The following UTRN variants were observed in gnomAD, a reference collection of about 807,000 sequenced individuals.
The protein encoded by UTRN is utrophin.
A neutral mutation model predicts 463.9 loss-of-function variants in UTRN; 283 were observed. The ratio of observed to expected loss-of-function variants is 0.61; its 90% CI spans 0.55 to 0.67. The LOEUF (loss-of-function observed/expected upper bound fraction) is 0.67. Ranked by LOEUF, UTRN falls within the 30% of genes least tolerant of loss-of-function variation. The pLI is 0.00. For missense variants in UTRN, 3,922 were observed against 4,084.3 expected (o/e 0.96, Z 1.08); for synonymous variants, 1,442 against 1,431.5 (o/e 1.01, Z -0.17).
rs150069642 is a variant in UTRN at position 144,548,847 on chromosome 6, G to A, written c.6803G>A (p.Arg2268Gln). ...GAAGAGATCAATAAGACCGTTTCCC[G>A]AATGAAAGTAGGTGCATAGTGTAAA... Reference protein sequence around the residue: ...DVEEINKTVSRMKITKADLEQ... With the variant: ...DVEEINKTVSQMKITKADLEQ... The change falls in exon 47 of 75, where the codon CGA becomes CAA. Residue 2268 changes from arginine (R) to glutamine (Q), a missense_variant. Arg to Gln is a conservative substitution (Grantham distance 43). Around this residue, in one of 3 missense-constraint regions of UTRN, gnomAD observed 1,309 missense variants for 1,452.6 expected, o/e 0.90. Transcript: ENST00000367545. 1.2e-5 allele frequency: 19 copies of A among 1,613,542 alleles called. No homozygotes were observed. The highest frequency in any genetic ancestry group is 3.3e-5 in the South Asian group (3 of 91,028).
At chr6:144,403,012 G>A (rs1783060157) in intron 2 of UTRN, 111 bp from the exon 3 acceptor site, 2 of 932,066 alleles carry the variant, frequency 2.1e-6, no homozygotes, top group South Asian at 1.4e-5. Context: ...CAAGGAGCTC[G>A]ACTAATAGGA....
chr6:144,386,212 A>AT (rs1781403590), intron 2 of UTRN, among the ~76,000 whole-genome samples: 1 of 152,204 alleles, frequency 6.6e-6, no homozygotes, highest in Non-Finnish European at 1.5e-5. Flanking sequence ...TTGTTATCCC[A>AT]GCACTTTGTG....
At chr6:144,604,269 A>G (rs1316591968) in intron 51 of UTRN, among the ~76,000 whole-genome samples, 1 of 152,220 alleles carries the variant, frequency 6.6e-6, no homozygotes, top group Non-Finnish European at 1.5e-5. Context: ...GAAAAGCCAT[A>G]TAGGATTATG....
intron 51 of UTRN, among the ~76,000 whole-genome samples, chr6:144,595,984 G>A (rs1437225766): frequency 6.6e-6 from 1 of 152,108 alleles, no homozygotes; most frequent in East Asian, 1.9e-4. Context: ...AAAGAAAGGG[G>A]AACATTTGCT....
intron 19 of UTRN, among the ~76,000 whole-genome samples, chr6:144,457,796 T>C (rs907787982): frequency 1.2e-4 from 19 of 152,332 alleles, no homozygotes; most frequent in Admixed American, 1.1e-3. Flanking sequence ...ATGCCTTTGT[T>C]TTTTAGTTCA....
intron 2 of UTRN, among the ~76,000 whole-genome samples, chr6:144,384,818 C>A (rs1781268296): frequency 6.6e-6 from 1 of 152,144 alleles, no homozygotes; most frequent in East Asian, 1.9e-4. Context: ...TTTGTGGACA[C>A]TTGGGTTGCT....
At chr6:144,816,731 T>C (rs1779113873) in intron 65 of UTRN, among the ~76,000 whole-genome samples, 1 of 117,024 alleles carries the variant, frequency 8.5e-6, no homozygotes. Context: ...CTAGCTTTTT[T>C]CCTTTTTTTT....
chr6:144,697,139 A>G (rs1414008994), intron 52 of UTRN, among the ~76,000 whole-genome samples: 1 of 152,178 alleles, frequency 6.6e-6, no homozygotes, highest in Non-Finnish European at 1.5e-5. Context: ...GATATTCTGT[A>G]GTAGACATCA....
intron 28 of UTRN, among the ~76,000 whole-genome samples, chr6:144,486,926 A>G (rs562675596): frequency 3.3e-5 from 5 of 152,298 alleles, no homozygotes; most frequent in South Asian, 2.1e-4. Flanking sequence ...CAATTTTCCA[A>G]TCTGTAAACT....
chr6:144,387,204 G>A (rs1017147743), intron 2 of UTRN, among the ~76,000 whole-genome samples: 6 of 152,076 alleles, frequency 3.9e-5, no homozygotes, highest in Non-Finnish European at 7.4e-5. Context: ...GTGCAGCGGC[G>A]CGATCTTGGC....
intron 74 of UTRN, 89 bp downstream of exon 74, chr6:144,846,916 T>A: frequency 6.6e-7 from 1 of 1,522,604 alleles, no homozygotes; most frequent in Non-Finnish European, 9.1e-7. Flanking sequence ...TCCTACTTTA[T>A]TCTCCATGTA....
At chr6:144,669,685 C>T (rs943062098) in intron 51 of UTRN, among the ~76,000 whole-genome samples, 5 of 152,046 alleles carry the variant, frequency 3.3e-5, no homozygotes, top group African/African-American at 1.2e-4. Flanking sequence ...GCACCCATCA[C>T]CCAAGCAGTG....
rs117095508 is a variant in UTRN at position 144,798,121 on chromosome 6, G to A, written c.9245+131G>A. 4,318 of 1,194,656 alleles carry A rather than the reference G, an allele frequency of 3.6e-3. 10 individuals carry two copies. The highest frequency in any genetic ancestry group is 5.3e-3 in the Middle Eastern group (24 of 4,546). The allele number at this position is 1,194,656 out of a possible 1,614,324, so 74.0% of individuals were successfully genotyped here. A position where few individuals can be genotyped will look rare whatever the true frequency, so the allele number is the denominator to read the frequency against. ...TCTAAATAAATGGTATGTTCAGTAT[G>A]TCTCATCTATCTAAAAGTAGCATTT... On this transcript the variant is annotated intron_variant, in intron 64 of 74. Coordinates refer to ENST00000367545, the MANE Select transcript of UTRN (RefSeq NM_007124.3).
chr6:144,725,228 C>G (rs568393120), intron 53 of UTRN, among the ~76,000 whole-genome samples: 217 of 152,336 alleles, frequency 1.4e-3, no homozygotes, highest in Non-Finnish European at 2.4e-3. Context: ...TGCTGTCTTG[C>G]CTCCCGCCAT....
At chr6:144,433,832 G>A (rs1264984169) in intron 9 of UTRN, among the ~76,000 whole-genome samples, 1 of 148,150 alleles carries the variant, frequency 6.7e-6, no homozygotes, top group South Asian at 2.1e-4. Flanking sequence ...GATGGCGGCC[G>A]GGCAGAGACG....
intron 45 of UTRN, among the ~76,000 whole-genome samples, chr6:144,541,756 G>T (rs1797992642): frequency 1.3e-5 from 2 of 152,212 alleles, no homozygotes; most frequent in Admixed American, 6.5e-5. Flanking sequence ...GTAGTGATGG[G>T]TACATAAAGG....
intron 45 of UTRN, among the ~76,000 whole-genome samples, chr6:144,541,333 A>G (rs1797961021): frequency 6.6e-6 from 1 of 152,218 alleles, no homozygotes; most frequent in East Asian, 1.9e-4. Flanking sequence ...AAGGTTGTCC[A>G]TATTCAGTCG....
chr6:144,576,630 C>T (rs56264877), intron 50 of UTRN, among the ~76,000 whole-genome samples: 47,474 of 151,900 alleles, frequency 0.31, 9,688 homozygotes, highest in African/African-American at 0.58. Context: ...TTTGTTGATA[C>T]TGTCTTTATG....
At chr6:144,842,422 A>T (rs894797344) in intron 73 of UTRN, among the ~76,000 whole-genome samples, 2 of 152,036 alleles carry the variant, frequency 1.3e-5, no homozygotes, top group African/African-American at 4.8e-5. Flanking sequence ...TCTACTAAAA[A>T]TACCAAAAAA....
Sources: allele counts gnomAD v4.1 joint callset (sites outside exome capture counted in the v4.1 genomes callset), GRCh38; gene constraint gnomAD v4.1.1; regional missense constraint gnomAD v4.1.1; transcripts MANE v1.5; gene names NCBI Gene and HGNC (gene_info 2026-07-23, HGNC 2026-07-21).